The following RANBP2 variants were observed in gnomAD, a reference collection of about 807,000 sequenced individuals.
The protein encoded by RANBP2 is E3 SUMO-protein ligase RanBP2.
A neutral mutation model predicts 303.6 loss-of-function variants in RANBP2; 57 were observed. The ratio of observed to expected loss-of-function variants is 0.19; its 90% CI spans 0.15 to 0.23. The LOEUF (loss-of-function observed/expected upper bound fraction) is 0.23, where lower values mean the gene tolerates loss of function less well. RANBP2 is among the 10% of genes least tolerant of loss of function. The probability of loss-of-function intolerance (pLI) is 1.00; values close to 1 mark genes in which losing one functional copy is unlikely to be tolerated. For missense variants in RANBP2, 3,138 were observed against 3,780.8 expected, an observed-to-expected ratio of 0.83 and a Z score of 4.46; for synonymous variants, 1,167 against 1,301.5, an observed-to-expected ratio of 0.90 and a Z score of 2.23.
At chr2:109,548,058 G>C in the RANBP2 span, among the ~76,000 whole-genome samples, 33 of 152,236 alleles carry the variant, frequency 2.2e-4, no homozygotes, top group African/African-American at 7.2e-4. Flanking sequence ...TCTAAAAGAT[G>C]TAGAAGAACT....
the RANBP2 span, among the ~76,000 whole-genome samples, chr2:109,369,083 G>A: frequency 6.6e-6 from 1 of 152,016 alleles, no homozygotes; most frequent in African/African-American, 2.4e-5. Flanking sequence ...GGTGGCTCAC[G>A]CCTATAATCC....
the RANBP2 span, chr2:109,565,733 A>C: frequency 6.4e-7 from 1 of 1,552,326 alleles, no homozygotes; most frequent in Non-Finnish European, 8.9e-7. Context: ...AGATAGATAC[A>C]TATTTCTAGT....
the RANBP2 span, among the ~76,000 whole-genome samples, chr2:109,495,307 C>G: frequency 1.3e-5 from 2 of 152,124 alleles, no homozygotes; most frequent in African/African-American, 4.8e-5. Flanking sequence ...CTGGTCTGTT[C>G]TGGTGCAGGG....
chr2:109,327,345 GTC>G, the RANBP2 span, among the ~76,000 whole-genome samples: 2 of 152,186 alleles, frequency 1.3e-5, no homozygotes, highest in East Asian at 3.9e-4. Flanking sequence ...ACATGTTTGT[GTC>G]TGGACCCTCC....
At chr2:109,164,955 G>A in the RANBP2 span, among the ~76,000 whole-genome samples, 31 of 152,180 alleles carry the variant, frequency 2.0e-4, no homozygotes, top group Non-Finnish European at 3.7e-4. Context: ...TGGGGAGGTC[G>A]TAATTGTTTT....
the RANBP2 span, among the ~76,000 whole-genome samples, chr2:109,001,921 A>G: frequency 2.6e-5 from 4 of 151,736 alleles, no homozygotes; most frequent in African/African-American, 7.3e-5. Context: ...TAGTAGAGAC[A>G]GGGTTTCACT....
At chr2:109,619,970 A>G in the RANBP2 span, among the ~76,000 whole-genome samples, 1 of 152,200 alleles carries the variant, frequency 6.6e-6, no homozygotes, top group Non-Finnish European at 1.5e-5. Flanking sequence ...GGTTCACATA[A>G]CTACCTGCTT....
the RANBP2 span, chr2:108,798,717 AC>A: frequency 2.0e-6 from 1 of 491,092 alleles, no homozygotes; most frequent in Non-Finnish European, 3.6e-6. Context: ...CTACACACAC[AC>A]ACACACACAC....
intron 6 of RANBP2, among the ~76,000 whole-genome samples, chr2:108,739,247 C>G (rs1695870558): frequency 6.6e-6 from 1 of 151,824 alleles, no homozygotes; most frequent in Non-Finnish European, 1.5e-5. Context: ...ACTAAAAATA[C>G]AAAAAATTAG....
At chr2:109,464,013 AT>A in the RANBP2 span, among the ~76,000 whole-genome samples, 1 of 152,172 alleles carries the variant, frequency 6.6e-6, no homozygotes, top group Non-Finnish European at 1.5e-5. Flanking sequence ...AGGGTCCCCA[AT>A]TCACAGAACA....
chr2:109,283,737 G>A, the RANBP2 span, among the ~76,000 whole-genome samples: 1 of 152,222 alleles, frequency 6.6e-6, no homozygotes, highest in Non-Finnish European at 1.5e-5. Context: ...GCTGGCCTGA[G>A]CCACAGAGGT....
At chr2:108,854,171 A>G in the RANBP2 span, among the ~76,000 whole-genome samples, 1 of 146,028 alleles carries the variant, frequency 6.8e-6, no homozygotes, top group African/African-American at 2.5e-5. Flanking sequence ...GTCCTGTCCT[A>G]CTTGGCACTT....
the RANBP2 span, chr2:109,667,770 C>T: frequency 1.1e-5 from 2 of 175,928 alleles, no homozygotes; most frequent in Admixed American, 6.4e-5. Context: ...CAGGTTTTGT[C>T]CCTGTCAGAT....
the RANBP2 span, among the ~76,000 whole-genome samples, chr2:109,294,629 A>G: frequency 1.3e-5 from 2 of 151,574 alleles, no homozygotes; most frequent in African/African-American, 4.9e-5. Context: ...CCATCCTTGC[A>G]TTCTTCCATC....
At chr2:109,175,143 C>T in the RANBP2 span, among the ~76,000 whole-genome samples, 163 of 152,240 alleles carry the variant, frequency 1.1e-3, 1 homozygote, top group African/African-American at 3.7e-3. Flanking sequence ...CCCACTAAAC[C>T]GGGACCTAGT....
the RANBP2 span, among the ~76,000 whole-genome samples, chr2:108,889,242 C>G: frequency 6.6e-6 from 1 of 152,036 alleles, no homozygotes; most frequent in Non-Finnish European, 1.5e-5. Flanking sequence ...GAGAATGTTC[C>G]ATGTGCTGAT....
chr2:108,827,832 A>T, the RANBP2 span, among the ~76,000 whole-genome samples: 1 of 145,168 alleles, frequency 6.9e-6, no homozygotes, highest in African/African-American at 2.5e-5. Context: ...AAAAAAAAAA[A>T]TTAAAAAAAT....
chr2:109,053,065 T>C, the RANBP2 span, among the ~76,000 whole-genome samples: 1 of 152,206 alleles, frequency 6.6e-6, no homozygotes, highest in African/African-American at 2.4e-5. Flanking sequence ...TCTGCCAGGG[T>C]GAGGCCTTTC....
At chr2:109,462,022 C>T in the RANBP2 span, among the ~76,000 whole-genome samples, 2 of 152,022 alleles carry the variant, frequency 1.3e-5, no homozygotes, top group Non-Finnish European at 2.9e-5. Flanking sequence ...CCCACACCAC[C>T]AAACCCCTAG....
Sources: allele counts gnomAD v4.1 joint callset (sites outside exome capture counted in the v4.1 genomes callset), GRCh38; gene constraint gnomAD v4.1.1; transcripts MANE v1.5; gene names NCBI Gene and HGNC (gene_info 2026-07-23, HGNC 2026-07-21).